EPB41: variants seen among roughly 807,000 people sequenced by gnomAD.
EPB41 encodes the protein erythrocyte membrane protein band 4.1.
EPB41 carries 65 observed loss-of-function variants against 108.0 expected under a neutral mutation model. That is an observed-to-expected ratio of 0.60 (90% CI 0.49 to 0.74). The LOEUF (loss-of-function observed/expected upper bound fraction) is 0.74, where lower values mean the gene tolerates loss of function less well. Among genes scored for constraint, EPB41 ranks in the 30% least tolerant of loss-of-function variants. EPB41 has a pLI of 0.00. For missense variants in EPB41, 875 were observed against 1,037.0 expected (o/e 0.84, Z 2.15); for synonymous variants, 336 against 358.9 (o/e 0.94, Z 0.72).
At chr1:29,052,061 A>T (rs1412017043) in intron 11 of EPB41, among the ~76,000 whole-genome samples, 1 of 152,252 alleles carries the variant, frequency 6.6e-6, no homozygotes, top group East Asian at 1.9e-4. Flanking sequence ...CATAAAAACC[A>T]TAAAAAGAGT....
At chr1:29,052,865 A>G (rs748111104) in intron 11 of EPB41, among the ~76,000 whole-genome samples, 1 of 152,178 alleles carries the variant, frequency 6.6e-6, no homozygotes, top group Non-Finnish European at 1.5e-5. Context: ...TTCAGCATTC[A>G]TGGAACATGA....
chr1:29,028,058 A>G (rs2096743995), intron 7 of EPB41, among the ~76,000 whole-genome samples: 1 of 151,998 alleles, frequency 6.6e-6, no homozygotes, highest in African/African-American at 2.4e-5. Context: ...TCCCTACCTC[A>G]GGTGATCCGC....
intron 1 of EPB41, among the ~76,000 whole-genome samples, chr1:28,964,944 C>A (rs868836679): frequency 6.6e-6 from 1 of 152,192 alleles, no homozygotes; most frequent in Admixed American, 6.5e-5. Flanking sequence ...AAGGCCTTTT[C>A]TCTGACTCTG....
intron 16 of EPB41, among the ~76,000 whole-genome samples, chr1:29,084,429 T>C (rs1376649085): frequency 6.6e-6 from 1 of 152,232 alleles, no homozygotes; most frequent in Non-Finnish European, 1.5e-5. Flanking sequence ...AATCTCATTT[T>C]ACTTGACAGA....
At chr1:29,040,440 C>T (rs1443621735) in intron 11 of EPB41, among the ~76,000 whole-genome samples, 1 of 152,034 alleles carries the variant, frequency 6.6e-6, no homozygotes, top group African/African-American at 2.4e-5. Context: ...GCCACCATTC[C>T]TGGCTAATTT....
Position 29,120,026 on chromosome 1 carries a change from A to G in EPB41, c.*3214A>G, listed in dbSNP as rs1671654741. ...TCTTGTATTGCATTTTTTTCAATAA[A>G]CAACAACAAAAAGAACTCTCTCTGT... is the stretch of plus-strand genomic sequence containing the variant. On this transcript the variant is annotated 3_prime_UTR_variant, in exon 21 of 21. Transcript: ENST00000343067. The G allele has an allele frequency of 1.3e-5, 2 of 151,512 alleles. No individual in the cohort carries two copies. Among genetic ancestry groups the G allele is most frequent in the African/African-American group, 4.8e-5 (2 of 41,340 alleles). The allele number at this position is 151,512 out of a possible 1,614,324, so 9.4% of individuals were successfully genotyped here.
At chr1:29,021,127 C>T (rs539364860) in intron 7 of EPB41, among the ~76,000 whole-genome samples, 58 of 152,268 alleles carry the variant, frequency 3.8e-4, no homozygotes, top group African/African-American at 1.3e-3. Context: ...TGTAAAACAT[C>T]ACGTTTAATC....
chr1:28,975,732 G>A (rs1445671106), intron 1 of EPB41, among the ~76,000 whole-genome samples: 1 of 152,080 alleles, frequency 6.6e-6, no homozygotes, highest in Non-Finnish European at 1.5e-5. Context: ...ACTTTGGGAG[G>A]CCGAGATGGG....
chr1:29,044,086 TG>T (rs1642443360), intron 11 of EPB41, among the ~76,000 whole-genome samples: 1 of 152,252 alleles, frequency 6.6e-6, no homozygotes, highest in Non-Finnish European at 1.5e-5. Flanking sequence ...TTCATGTCTT[TG>T]CCATATTCAG....
At chr1:29,063,889 G>T (rs1646929930) in intron 15 of EPB41, among the ~76,000 whole-genome samples, 1 of 151,914 alleles carries the variant, frequency 6.6e-6, no homozygotes, top group African/African-American at 2.4e-5. Flanking sequence ...ACTATTTTTG[G>T]CCAAGTCCCC....
chr1:28,915,712 C>T (rs1210284129), intron 1 of EPB41, among the ~76,000 whole-genome samples: 4 of 113,072 alleles, frequency 3.5e-5, no homozygotes, highest in Non-Finnish European at 5.8e-5. Flanking sequence ...TTTTCTTTTT[C>T]CTTTTTTTTT....
intron 16 of EPB41, among the ~76,000 whole-genome samples, chr1:29,066,158 C>T (rs1445446022): frequency 6.6e-6 from 1 of 151,820 alleles, no homozygotes; most frequent in African/African-American, 2.4e-5. Flanking sequence ...CGGTGGCTCA[C>T]GCCTGTAATC....
intron 2 of EPB41, among the ~76,000 whole-genome samples, chr1:28,988,214 C>A (rs1377914474): frequency 6.6e-6 from 1 of 152,166 alleles, no homozygotes; most frequent in African/African-American, 2.4e-5. Context: ...GAGCTGAGAT[C>A]GTGCCACTGC....
At chr1:29,104,116 C>T (rs954374726) in intron 17 of EPB41, among the ~76,000 whole-genome samples, 1 of 152,198 alleles carries the variant, frequency 6.6e-6, no homozygotes, top group African/African-American at 2.4e-5. Context: ...TCAGTTTCCT[C>T]ATTTGTAAAA....
At chr1:28,982,606 C>T (rs563827620) in intron 1 of EPB41, 154 of 1,466,208 alleles carry the variant, frequency 1.1e-4, no homozygotes, top group Non-Finnish European at 1.3e-4. Flanking sequence ...CATGAACTTG[C>T]CCATTTCGGC....
chr1:29,081,694 G>C (rs944528853), intron 16 of EPB41, among the ~76,000 whole-genome samples: 1 of 152,066 alleles, frequency 6.6e-6, no homozygotes, highest in Non-Finnish European at 1.5e-5. Context: ...AATTAGCCAG[G>C]TGTGGTGGCA....
At chr1:28,915,433 A>G (rs2148070615) in intron 1 of EPB41, among the ~76,000 whole-genome samples, 1 of 151,732 alleles carries the variant, frequency 6.6e-6, no homozygotes, top group South Asian at 2.1e-4. Flanking sequence ...ACCTGTGGAG[A>G]GGCCGGGTCT....
intron 2 of EPB41, among the ~76,000 whole-genome samples, chr1:28,990,337 C>CCTTCCGTCCTTCCTTCCT (rs569880468): frequency 2.6e-5 from 1 of 38,330 alleles, no homozygotes; most frequent in African/African-American, 1.0e-4. Context: ...CCTTCCTTCC[C>CCTTCCGTCCTTCCTTCCT]TCCCTCCCTC....
Position 29,066,877 on chromosome 1 carries a change from G to A in EPB41, c.2184+1719G>A, listed in dbSNP as rs555494136. Among the ~76,000 whole-genome samples the A allele has an allele frequency of 8.6e-5, 13 of 150,648 alleles. No individual in the cohort carries two copies. The South Asian group carries it at 1.7e-3, about 19-fold the overall frequency. Reference sequence around the variant, plus strand: ...TTTATTAAAGATGGGGTTTCACTACGTTGGTCAGGGTGGTCTCAAACTCCT... The same window carrying A: ...TTTATTAAAGATGGGGTTTCACTACATTGGTCAGGGTGGTCTCAAACTCCT... On this transcript the variant is annotated intron_variant, in intron 16 of 20. Transcript: ENST00000343067.
Sources: allele counts gnomAD v4.1 joint callset (sites outside exome capture counted in the v4.1 genomes callset), GRCh38; gene constraint gnomAD v4.1.1; transcripts MANE v1.5; gene names NCBI Gene and HGNC (gene_info 2026-07-23, HGNC 2026-07-21).